The following ATRNL1 variants were observed in gnomAD, a reference collection of about 807,000 sequenced individuals.
The protein encoded by ATRNL1 is attractin-like protein 1.
A neutral mutation model predicts 182.7 loss-of-function variants in ATRNL1; 95 were observed. That is an observed-to-expected ratio of 0.52 (90% CI 0.44 to 0.62). The LOEUF (loss-of-function observed/expected upper bound fraction) is 0.62. Among genes scored for constraint, ATRNL1 ranks in the 20% least tolerant of loss-of-function variants. The pLI, the probability that ATRNL1 is intolerant of heterozygous loss-of-function variation, is 0.00. For missense variants in ATRNL1, 1,471 were observed against 1,679.5 expected, an observed-to-expected ratio of 0.88 and a Z score of 2.17; for synonymous variants, 576 against 568.3, an observed-to-expected ratio of 1.01 and a Z score of -0.19.
intron 26 of ATRNL1, among the ~76,000 whole-genome samples, chr10:115,710,983 T>C (rs1555054371): frequency 6.6e-6 from 1 of 152,116 alleles, no homozygotes; most frequent in Non-Finnish European, 1.5e-5. Flanking sequence ...TTTATGAATA[T>C]CTGGTGTTCT....
intron 21 of ATRNL1, among the ~76,000 whole-genome samples, chr10:115,451,077 T>C (rs1847257202): frequency 1.3e-5 from 2 of 152,160 alleles, no homozygotes; most frequent in South Asian, 4.1e-4. Flanking sequence ...ATGCAGAAGA[T>C]TGAAGCTGGA....
intron 24 of ATRNL1, among the ~76,000 whole-genome samples, chr10:115,484,505 A>G (rs1554974799): frequency 6.6e-6 from 1 of 151,672 alleles, no homozygotes; most frequent in Non-Finnish European, 1.5e-5. Flanking sequence ...TATACAGTAT[A>G]CTTTTTAGGA....
intron 7 of ATRNL1, among the ~76,000 whole-genome samples, chr10:115,168,914 T>G (rs1847167915): frequency 6.7e-6 from 1 of 150,004 alleles, no homozygotes; most frequent in African/African-American, 2.5e-5. Context: ...TTAACCCAAT[T>G]TTTTTTTTCT....
chr10:115,429,618 G>C (rs535220513), intron 21 of ATRNL1, among the ~76,000 whole-genome samples: 1 of 151,940 alleles, frequency 6.6e-6, no homozygotes, highest in Non-Finnish European at 1.5e-5. Flanking sequence ...TTCATTCTGG[G>C]CTAAACCATA....
chr10:115,583,969 G>A (rs567154271), intron 26 of ATRNL1, among the ~76,000 whole-genome samples: 1 of 152,246 alleles, frequency 6.6e-6, no homozygotes, highest in African/African-American at 2.4e-5. Context: ...AAGCATTGTT[G>A]AATTTTGTCA....
chr10:115,398,075 T>C (rs1554956062), intron 20 of ATRNL1, among the ~76,000 whole-genome samples: 2 of 151,936 alleles, frequency 1.3e-5, no homozygotes, highest in Non-Finnish European at 2.9e-5. Context: ...CAGAAATTGG[T>C]AGAGTATGGA....
chr10:115,230,867 G>A (rs1419326062), intron 9 of ATRNL1, among the ~76,000 whole-genome samples: 2 of 136,006 alleles, frequency 1.5e-5, no homozygotes, highest in Non-Finnish European at 1.6e-5. Flanking sequence ...GATATAGAGT[G>A]GATGAGAGAG....
At chr10:115,501,851 A>T (rs189766978) in intron 24 of ATRNL1, among the ~76,000 whole-genome samples, 223 of 152,282 alleles carry the variant, frequency 1.5e-3, no homozygotes, top group African/African-American at 5.2e-3. Context: ...ATTTATGAAC[A>T]TATCAGCTCT....
At chr10:115,854,187 T>G (rs1475547020) in intron 28 of ATRNL1, among the ~76,000 whole-genome samples, 1 of 152,194 alleles carries the variant, frequency 6.6e-6, no homozygotes, top group Non-Finnish European at 1.5e-5. Flanking sequence ...ATAAAACAGA[T>G]GGACAATTGC....
chr10:115,757,029 A>C (rs2960731), intron 27 of ATRNL1, among the ~76,000 whole-genome samples: 144,638 of 152,206 alleles, frequency 0.95, 69,135 homozygotes, highest in East Asian at 1. Flanking sequence ...TCCTCCATCC[A>C]TTCATTTTGA....
In ATRNL1 at chr10:115,093,608, AC is replaced by A; in HGVS notation, c.-141del. 2 of 964,282 alleles carry A rather than the reference AC, an allele frequency of 2.1e-6. No individual in the cohort carries two copies. The highest frequency in any genetic ancestry group is 2.8e-5 in the South Asian group (2 of 70,884). The allele number at this position is 964,282 out of a possible 1,614,324, so 59.7% of individuals were successfully genotyped here. The stretch of plus-strand genomic sequence containing the variant: ...CGGCGGTTGGGATCTGTCCCTCCTG[AC>A]CGGGGAGCGGGACTCGGACGGGCGC... On this transcript the variant is annotated 5_prime_UTR_variant, in exon 1 of 29. The change abolishes the stop of an existing upstream ORF in the 5' untranslated region. Coordinates refer to ENST00000355044, the MANE Select transcript of ATRNL1 (RefSeq NM_207303.4). This position sits in a 1 kb window ranked among gnomAD's most constrained non-coding sequence, Gnocchi z 6.1.
intron 24 of ATRNL1, among the ~76,000 whole-genome samples, chr10:115,487,711 T>C (rs11594554): frequency 0.2 from 29,794 of 152,056 alleles, 3,084 homozygotes; most frequent in South Asian, 0.24. Context: ...CCTATTTGAA[T>C]ACCCTTTATT....
chr10:115,932,886 T>A (rs879969241), intron 28 of ATRNL1, among the ~76,000 whole-genome samples: 2 of 152,166 alleles, frequency 1.3e-5, no homozygotes, highest in Non-Finnish European at 2.9e-5. Context: ...TCCTATACCC[T>A]CACATAAATA....
At chr10:115,481,567 A>G (rs1354680658) in intron 24 of ATRNL1, among the ~76,000 whole-genome samples, 1 of 150,852 alleles carries the variant, frequency 6.6e-6, no homozygotes, top group Non-Finnish European at 1.5e-5. Context: ...GAATTGAGAT[A>G]TGAGACTGGT....
intron 21 of ATRNL1, among the ~76,000 whole-genome samples, chr10:115,434,206 A>G (rs1846297798): frequency 6.6e-6 from 1 of 152,180 alleles, no homozygotes; most frequent in Admixed American, 6.5e-5. Context: ...TTATAGATAT[A>G]TAGCTCATTA....
intron 27 of ATRNL1, among the ~76,000 whole-genome samples, chr10:115,816,421 T>C (rs1950166077): frequency 6.6e-6 from 1 of 152,182 alleles, no homozygotes; most frequent in Non-Finnish European, 1.5e-5. Context: ...AGTTACTCTG[T>C]GCCAGATACC....
At chr10:115,153,847 T>C (rs989013503) in intron 5 of ATRNL1, among the ~76,000 whole-genome samples, 1 of 152,212 alleles carries the variant, frequency 6.6e-6, no homozygotes, top group Non-Finnish European at 1.5e-5. Flanking sequence ...CTTTCTGTTG[T>C]GGGCATTTAG....
At position 115,713,702 on chromosome 10, in the gene ATRNL1, TATCATC is replaced by T. The variant is rs1565310822; in HGVS notation, c.3796-13545_3796-13540del. Among the ~76,000 whole-genome samples the T allele has an allele frequency of 4.2e-4, 42 of 101,008 alleles. No homozygotes were observed. The South Asian group carries it at 4.9e-3, about 12-fold the overall frequency. 66.3% of individuals were successfully genotyped at this position (101,008 alleles called of 152,430 possible). On this transcript the variant is annotated intron_variant, in intron 26 of 28. Transcript: ENST00000355044. ...CTATCTATCTATCTATCTATCTATCTATCATCTATCTATCTATCTATCTATCTATCT... is the reference window on the plus strand; with the variant it reads ...CTATCTATCTATCTATCTATCTATCTTATCTATCTATCTATCTATCTATCT...
intron 10 of ATRNL1, among the ~76,000 whole-genome samples, chr10:115,257,023 C>T (rs374322878): frequency 6.6e-6 from 1 of 152,306 alleles, no homozygotes; most frequent in African/African-American, 2.4e-5. Flanking sequence ...TGTTCTTTTA[C>T]ATTTGCTGAG....
Sources: allele counts gnomAD v4.1 joint callset (sites outside exome capture counted in the v4.1 genomes callset), GRCh38; gene constraint gnomAD v4.1.1; non-coding constraint Gnocchi (gnomAD v3.1); transcripts MANE v1.5; gene names NCBI Gene and HGNC (gene_info 2026-07-23, HGNC 2026-07-21).